KCNC1: variants seen among roughly 807,000 people sequenced by gnomAD.
The protein encoded by KCNC1 is voltage-gated potassium channel KCNC1.
KCNC1 carries 8 observed loss-of-function variants against 43.4 expected under a neutral mutation model. That is an observed-to-expected ratio of 0.18 (90% CI 0.11 to 0.33). The LOEUF (loss-of-function observed/expected upper bound fraction) is 0.33. Ranked by LOEUF, KCNC1 falls within the 10% of genes least tolerant of loss-of-function variation. The pLI is 1.00. For missense variants in KCNC1, 420 were observed against 836.0 expected, an observed-to-expected ratio of 0.50 and a Z score of 6.14; for synonymous variants, 361 against 360.5, an observed-to-expected ratio of 1.00 and a Z score of -0.01.
At chr11:17,760,266 AG>A (rs1390888545) in intron 1 of KCNC1, among the ~76,000 whole-genome samples, 1 of 152,220 alleles carries the variant, frequency 6.6e-6, no homozygotes, top group Admixed American at 6.5e-5. Flanking sequence ...GAAAATGTGA[AG>A]GGTTTTATGA....
intron 1 of KCNC1, among the ~76,000 whole-genome samples, chr11:17,741,681 G>T (rs990502087): frequency 9.2e-5 from 14 of 152,320 alleles, no homozygotes; most frequent in Admixed American, 3.9e-4. Context: ...CCAGCCCGTG[G>T]CCCATACTGT....
chr11:17,752,288 A>C lies in KCNC1; in HGVS notation c.570+15716A>C, dbSNP rs541294806. Among the ~76,000 whole-genome samples the C allele has an allele frequency of 9.2e-5, 14 of 152,258 alleles. No homozygotes were observed. In the South Asian group the frequency reaches 2.9e-3, roughly 32 times the overall value. On this transcript the variant is annotated intron_variant, in intron 1 of 3. Coordinates refer to ENST00000265969, the MANE Select transcript of KCNC1 (RefSeq NM_001112741.2). ...GCTCCCTCCAAAGCCCTGATCTAGC[A>C]TTCCCCAGCACCAAGCTGCACCCCC... is the stretch of plus-strand genomic sequence containing the variant.
chr11:17,746,009 G>A (rs900549206), intron 1 of KCNC1, among the ~76,000 whole-genome samples: 2 of 152,208 alleles, frequency 1.3e-5, no homozygotes, highest in African/African-American at 4.8e-5. Flanking sequence ...GTCTCTAGAA[G>A]CTAGAGTAGG....
Position 17,767,284 on chromosome 11 carries a change from C to CAA in KCNC1, c.571-4366_571-4365dup, listed in dbSNP as rs71483495. Among the ~76,000 whole-genome samples, 8 of 95,918 alleles carry CAA rather than the reference C, an allele frequency of 8.3e-5. No individual in the cohort carries two copies. The South Asian group carries it at 1.6e-3, about 19-fold the overall frequency. 62.9% of individuals were successfully genotyped at this position (95,918 alleles called of 152,430 possible). On this transcript the variant is annotated intron_variant, in intron 1 of 3. Coordinates refer to ENST00000265969, the MANE Select transcript of KCNC1 (RefSeq NM_001112741.2). ...TGTGTGACAGAGCAAGACTCCGTCTCAAAAAAAAAAAAAAAAGAAAAGAAA... is the reference window on the plus strand; with the variant it reads ...TGTGTGACAGAGCAAGACTCCGTCTCAAAAAAAAAAAAAAAAAAGAAAAGAAA...
Position 17,772,088 on chromosome 11 carries a change from C to A in KCNC1, c.994C>A (p.Arg332=), listed in dbSNP as rs764899120. The change falls in exon 2 of 4, where the codon CGG becomes AGG. Residue 332 remains arginine, a synonymous_variant. Coordinates refer to ENST00000265969, the MANE Select transcript of KCNC1 (RefSeq NM_001112741.2). ...FKLTRHFVGL[R]VLGHTLRAST... is the part of the protein sequence containing the mutation. ...GCTGACCCGCCACTTTGTGGGCCTG[C>A]GGGTCCTGGGCCACACGCTCCGAGC... is the stretch of plus-strand genomic sequence containing the variant. The A allele has an allele frequency of 6.2e-7, 1 of 1,613,290 alleles. No homozygotes were observed. Among genetic ancestry groups the A allele is most frequent in the East Asian group, 2.2e-5 (1 of 44,856 alleles).
chr11:17,746,774 G>A (rs112337442), intron 1 of KCNC1, among the ~76,000 whole-genome samples: 1 of 152,206 alleles, frequency 6.6e-6, no homozygotes, highest in East Asian at 1.9e-4. Context: ...ATGACCTGGA[G>A]CCCCTTTCTC....
At position 17,742,209 on chromosome 11, in the gene KCNC1, C is replaced by T. The variant is rs1253125564; in HGVS notation, c.570+5637C>T. Among the ~76,000 whole-genome samples, 10 of 152,270 alleles carry T rather than the reference C, an allele frequency of 6.6e-5. No homozygotes were observed. In the South Asian group the frequency reaches 1.2e-3, roughly 19 times the overall value. On this transcript the variant is annotated intron_variant, in intron 1 of 3. Transcript: ENST00000265969. The surrounding 1 kb of genome is among the most constrained non-coding windows in gnomAD (Gnocchi z 4.2). ...GGCTCACAGGTGCTTTGTGTCACAT[C>T]GCCTCAGAGCATTTGGAGTCTGTGC...
rs1849256567 is a variant in KCNC1, at chr11:17,773,733, C to T, written c.1504+1135C>T. Reference sequence around the variant, plus strand: ...ATATAAAGCCCATAGTCTACCTCTACCCATGGAATACCATCGACTTATTCT... The same window carrying T: ...ATATAAAGCCCATAGTCTACCTCTATCCATGGAATACCATCGACTTATTCT... On this transcript the variant is annotated intron_variant, in intron 2 of 3. Transcript: ENST00000265969. This position sits in a 1 kb window ranked among gnomAD's most constrained non-coding sequence, Gnocchi z 4.1. 1 of 985,340 alleles carries T rather than the reference C, an allele frequency of 1.0e-6. No homozygotes were observed. The highest frequency in any genetic ancestry group is 1.7e-5 in the African/African-American group (1 of 57,216). The allele number at this position is 985,340 out of a possible 1,614,324, so 61.0% of individuals were successfully genotyped here.
chr11:17,741,743 C>T (rs561285731), intron 1 of KCNC1, among the ~76,000 whole-genome samples: 1 of 152,376 alleles, frequency 6.6e-6, no homozygotes, highest in African/African-American at 2.4e-5. Flanking sequence ...TGACTGTCTC[C>T]ATCGCTTACC....
chr11:17,770,753 T>C (rs1178691821), intron 1 of KCNC1, among the ~76,000 whole-genome samples: 1 of 151,744 alleles, frequency 6.6e-6, no homozygotes, highest in African/African-American at 2.4e-5. Flanking sequence ...TCTGAGAGAG[T>C]AGGTGCCCAC....
At chr11:17,752,333 G>A (rs936034311) in intron 1 of KCNC1, among the ~76,000 whole-genome samples, 4 of 152,290 alleles carry the variant, frequency 2.6e-5, no homozygotes, top group Admixed American at 6.5e-5. Flanking sequence ...ACACTGGCCC[G>A]GCGATCTCCC....
chr11:17,761,730 C>G (rs1380162904), intron 1 of KCNC1, among the ~76,000 whole-genome samples: 1 of 152,156 alleles, frequency 6.6e-6, no homozygotes, highest in African/African-American at 2.4e-5. Context: ...CTTATCTGGC[C>G]CCATGGATCC....
Position 17,779,372 on chromosome 11 carries a change from A to C in KCNC1, c.1505-84A>C. 4.2e-6 allele frequency: 5 copies of C among 1,178,894 alleles called. No individual in the cohort carries two copies. Among genetic ancestry groups the C allele is most frequent in the Middle Eastern group, 2.5e-4 (1 of 4,056 alleles). The allele number at this position is 1,178,894 out of a possible 1,614,324, so 73.0% of individuals were successfully genotyped here. A position where few individuals can be genotyped will look rare whatever the true frequency, so the allele number is the denominator to read the frequency against. On this transcript the variant is annotated intron_variant, in intron 2 of 3. Transcript: ENST00000265969. The surrounding 1 kb of genome is among the most constrained non-coding windows in gnomAD (Gnocchi z 7.2). ...AGGGACGCTCAAGCTGCCCTCTGCCAATACCCCGCTTCTGGCCTGTCCCCC... is the reference window on the plus strand; with the variant it reads ...AGGGACGCTCAAGCTGCCCTCTGCCCATACCCCGCTTCTGGCCTGTCCCCC...
intron 2 of KCNC1, chr11:17,775,453 A>T (rs1849274689): frequency 1.0e-6 from 1 of 985,390 alleles, no homozygotes; most frequent in Non-Finnish European, 1.2e-6. Flanking sequence ...TTGTCCTGGG[A>T]GGGGTATCAA....
In KCNC1 at chr11:17,742,444, G is replaced by T. The variant is rs1206099541; in HGVS notation, c.570+5872G>T. Among the ~76,000 whole-genome samples the T allele has an allele frequency of 6.6e-6, 1 of 152,194 alleles. No homozygotes were observed. The highest frequency in any genetic ancestry group is 1.5e-5 in the Non-Finnish European group (1 of 68,032). On this transcript the variant is annotated intron_variant, in intron 1 of 3. Coordinates refer to ENST00000265969, the MANE Select transcript of KCNC1 (RefSeq NM_001112741.2). This position sits in a 1 kb window ranked among gnomAD's most constrained non-coding sequence, Gnocchi z 4.2. ...CTCTGGCTATTCTGAGCGGTCTCATGACCAGGGGATTCACTCTAGACCAAA... is the reference window on the plus strand; with the variant it reads ...CTCTGGCTATTCTGAGCGGTCTCATTACCAGGGGATTCACTCTAGACCAAA...
chr11:17,750,366 C>G (rs913105552), intron 1 of KCNC1, among the ~76,000 whole-genome samples: 1 of 152,112 alleles, frequency 6.6e-6, no homozygotes, highest in Non-Finnish European at 1.5e-5. Context: ...ACCTCAGGGC[C>G]AGGAGCCACC....
At chr11:17,743,657 G>GC (rs960973701) in intron 1 of KCNC1, among the ~76,000 whole-genome samples, 4 of 152,186 alleles carry the variant, frequency 2.6e-5, no homozygotes, top group South Asian at 2.1e-4. Context: ...AACGCTGGCC[G>GC]CCCCTCAGCT....
chr11:17,766,060 G>T (rs759466063), intron 1 of KCNC1, among the ~76,000 whole-genome samples: 3 of 152,244 alleles, frequency 2.0e-5, no homozygotes, highest in Admixed American at 1.3e-4. Context: ...TACACCTGGG[G>T]TCGGGAGAGA....
At chr11:17,780,494 C>G (rs532030148) in intron 3 of KCNC1, 1 of 152,442 alleles carries the variant, frequency 6.6e-6, no homozygotes, top group South Asian at 2.1e-4. Context: ...AGGCACTGGC[C>G]CGGACCTAGA....
Sources: gnomAD v4.1 joint callset for allele counts (sites outside exome capture counted in the v4.1 genomes callset) on GRCh38, gnomAD v4.1.1 for gene constraint, Gnocchi (gnomAD v3.1) non-coding constraint, MANE v1.5 for transcripts, NCBI Gene and HGNC (gene_info 2026-07-23, HGNC 2026-07-21) for gene names.